CTNNBL1: variants seen among roughly 807,000 people sequenced by gnomAD.
CTNNBL1 encodes the protein beta-catenin-like protein 1.
CTNNBL1 carries 31 observed loss-of-function variants against 72.7 expected under a neutral mutation model. The observed-to-expected ratio is 0.43, with a 90% CI of 0.32 to 0.58. The LOEUF is 0.58. Among genes scored for constraint, CTNNBL1 ranks in the 20% least tolerant of loss-of-function variants. The pLI is 0.08. For synonymous variants in CTNNBL1, 240 were observed against 267.3 expected (o/e 0.90, Z 1.00); for missense variants, 534 against 725.1 (o/e 0.74, Z 3.03).
At chr20:37,767,792 A>C (rs948075694) in intron 6 of CTNNBL1, among the ~76,000 whole-genome samples, 161 bp from the exon 7 acceptor site, 1 of 152,224 alleles carries the variant, frequency 6.6e-6, no homozygotes, top group Non-Finnish European at 1.5e-5. Context: ...GAAGAAAACC[A>C]CAGCAACTCC....
intron 11 of CTNNBL1, among the ~76,000 whole-genome samples, chr20:37,838,877 T>C (rs530259730): frequency 6.6e-6 from 1 of 152,148 alleles, no homozygotes; most frequent in Admixed American, 6.6e-5. Context: ...ACAGAATCTG[T>C]CTCAAAATAA....
intron 1 of CTNNBL1, among the ~76,000 whole-genome samples, chr20:37,717,807 C>T (rs2073000326): frequency 1.3e-5 from 2 of 152,054 alleles, no homozygotes; most frequent in Admixed American, 6.5e-5. Flanking sequence ...GTGGTGATGA[C>T]TCTTAAGGAG....
chr20:37,816,926 A>G (rs545348451), intron 11 of CTNNBL1, among the ~76,000 whole-genome samples: 1 of 152,160 alleles, frequency 6.6e-6, no homozygotes, highest in Non-Finnish European at 1.5e-5. Flanking sequence ...GATTTTCCTG[A>G]TGATGTGTCA....
chr20:37,824,606 A>G (rs571848273), intron 11 of CTNNBL1, among the ~76,000 whole-genome samples: 42 of 152,360 alleles, frequency 2.8e-4, no homozygotes, highest in African/African-American at 1.0e-3. Context: ...TAGATCACAT[A>G]AAGGTTTATT....
intron 13 of CTNNBL1, among the ~76,000 whole-genome samples, chr20:37,855,106 CA>C (rs34429259): frequency 0.036 from 4,702 of 130,578 alleles, 121 homozygotes; most frequent in African/African-American, 0.085. Context: ...TCTAATAAGC[CA>C]AAAAAAAAAA....
Position 37,711,039 on chromosome 20 carries a change from T to C in CTNNBL1, c.30+16887T>C, listed in dbSNP as rs529400652. Among the ~76,000 whole-genome samples, 260 of 152,310 alleles carry C rather than the reference T, an allele frequency of 1.7e-3. 1 individual carries two copies. Among genetic ancestry groups the C allele is most frequent in the African/African-American group, 5.8e-3 (243 of 41,566 alleles). ...GGCTCTGCATGGTTGGGATGGGAGC[T>C]GCCATATACAGTGTGCCTCATATGG... is the stretch of plus-strand genomic sequence containing the variant. On this transcript the variant is annotated intron_variant, in intron 1 of 15. Coordinates refer to ENST00000361383, the MANE Select transcript of CTNNBL1 (RefSeq NM_030877.5).
Position 37,810,004 on chromosome 20 carries a change from G to A in CTNNBL1, c.1213+6956G>A, listed in dbSNP as rs553945639. Among the ~76,000 whole-genome samples the A allele has an allele frequency of 3.4e-4, 51 of 152,184 alleles. No individual in the cohort carries two copies. In the South Asian group the frequency reaches 0.01, roughly 31 times the overall value. On this transcript the variant is annotated intron_variant, in intron 11 of 15. Transcript: ENST00000361383. Reference sequence around the variant, plus strand: ...CATAAGGCTGCTCAGCATCTGTCCTGTAGTAGTTTTCAATACATGGTTTTT... The same window carrying A: ...CATAAGGCTGCTCAGCATCTGTCCTATAGTAGTTTTCAATACATGGTTTTT...
chr20:37,754,364 T>C (rs1473952331), intron 4 of CTNNBL1, among the ~76,000 whole-genome samples: 2 of 144,832 alleles, frequency 1.4e-5, no homozygotes, highest in East Asian at 4.5e-4. Flanking sequence ...CAGGCAATCC[T>C]CCTGCCTTGG....
intron 1 of CTNNBL1, among the ~76,000 whole-genome samples, chr20:37,705,916 T>C (rs1240996164): frequency 2.0e-5 from 3 of 152,214 alleles, no homozygotes; most frequent in Non-Finnish European, 4.4e-5. Context: ...TTCAGCTGAA[T>C]ATTGGCATCC....
intron 15 of CTNNBL1, 58 bp from the exon 16 acceptor site, chr20:37,871,867 C>A (rs952703214): frequency 1.4e-6 from 2 of 1,472,914 alleles, no homozygotes; most frequent in Non-Finnish European, 1.9e-6. Flanking sequence ...TGAAGCGACG[C>A]AGCCACGGTG....
At chr20:37,840,697 A>G (rs1363901823) in intron 12 of CTNNBL1, among the ~76,000 whole-genome samples, 1 of 152,238 alleles carries the variant, frequency 6.6e-6, no homozygotes, top group African/African-American at 2.4e-5. Context: ...AGATAATGAT[A>G]AGGAAATGGT....
chr20:37,705,547 GTA>G (rs2122548937), intron 1 of CTNNBL1, among the ~76,000 whole-genome samples: 1 of 152,226 alleles, frequency 6.6e-6, no homozygotes, highest in Non-Finnish European at 1.5e-5. Context: ...TCAGAATCCT[GTA>G]TAAAGAAATG....
rs6126217 is a variant in CTNNBL1, at chr20:37,823,896, C to A, written c.1214-16206C>A. Among the ~76,000 whole-genome samples the A allele has an allele frequency of 3.3e-5, 5 of 152,292 alleles. No individual in the cohort carries two copies. In the East Asian group the frequency reaches 7.7e-4, roughly 23 times the overall value. ...CCAGGCCCTTGCATGCTATCCAGGG[C>A]TAGTGAGAAGACAGTGAGCAAACCA... On this transcript the variant is annotated intron_variant, in intron 11 of 15. Transcript: ENST00000361383.
chr20:37,825,568 G>A (rs766880162), intron 11 of CTNNBL1, among the ~76,000 whole-genome samples: 4 of 152,140 alleles, frequency 2.6e-5, no homozygotes, highest in Non-Finnish European at 5.9e-5. Flanking sequence ...TCAGTTGCTC[G>A]GGAGGCTGAG....
At chr20:37,799,733 G>A (rs940071179) in intron 10 of CTNNBL1, among the ~76,000 whole-genome samples, 10 of 152,190 alleles carry the variant, frequency 6.6e-5, no homozygotes, top group African/African-American at 2.4e-4. Flanking sequence ...ATGCTCAATA[G>A]TATATGCCTT....
chr20:37,715,712 C>T (rs149691120), intron 1 of CTNNBL1, among the ~76,000 whole-genome samples: 272 of 152,196 alleles, frequency 1.8e-3, no homozygotes, highest in African/African-American at 6.1e-3. Flanking sequence ...TTTCAGTCTG[C>T]GACAAGTGAG....
intron 11 of CTNNBL1, among the ~76,000 whole-genome samples, chr20:37,806,517 T>C (rs947829330): frequency 2.6e-5 from 4 of 152,194 alleles, no homozygotes; most frequent in African/African-American, 4.8e-5. Flanking sequence ...ACAAGGTCTG[T>C]ATTAGACAAA....
At chr20:37,767,480 A>G (rs528496906) in intron 6 of CTNNBL1, among the ~76,000 whole-genome samples, 5 of 152,216 alleles carry the variant, frequency 3.3e-5, no homozygotes, top group South Asian at 4.2e-4. Context: ...CTGCTTTGCA[A>G]TATTCTTGCT....
intron 1 of CTNNBL1, among the ~76,000 whole-genome samples, chr20:37,697,614 A>G (rs1182740560): frequency 1.3e-5 from 2 of 152,214 alleles, no homozygotes; most frequent in African/African-American, 2.4e-5. Context: ...TACGGTAGAT[A>G]CCTTCATTCA....
Sources: allele counts gnomAD v4.1 joint callset (sites outside exome capture counted in the v4.1 genomes callset), GRCh38; gene constraint gnomAD v4.1.1; transcripts MANE v1.5; gene names NCBI Gene and HGNC (gene_info 2026-07-23, HGNC 2026-07-21).